Variants in HOXB5 observed in about 807,000 individuals in gnomAD.
HOXB5 encodes homeobox protein Hox-B5.
In HOXB5, 10 loss-of-function variants were observed where a neutral mutation model predicts 19.6. The ratio of observed to expected loss-of-function variants is 0.51; its 90% CI spans 0.32 to 0.87. The LOEUF is 0.87. Among genes scored for constraint, HOXB5 ranks in the 40% least tolerant of loss-of-function variants. The pLI is 0.04. For synonymous variants in HOXB5, 167 were observed against 156.9 expected (o/e 1.06, Z -0.48); for missense variants, 353 against 369.6 (o/e 0.96, Z 0.37).
rs7406798 is a variant in HOXB5, at chr17:48,593,158, T to C, written c.525A>G (p.Gln175=). The C allele has an allele frequency of 0.99, 1,562,876 of 1,579,810 alleles. 774,346 individuals carry two copies. Among genetic ancestry groups the C allele is most frequent in the East Asian group, 1 (44,158 of 44,158 alleles). The change falls in exon 1 of 2, where the codon CAA becomes CAG. Residue 175 remains glutamine (Q), a synonymous_variant. Coordinates refer to ENST00000239151, the MANE Select transcript of HOXB5 (RefSeq NM_002147.4). ...STAAPEGQTP[Q]IFPWMRKLHI... Reference sequence around the variant, plus strand: ...GAAGCTTCCTCATCCAGGGGAATATTTGCGGAGTCTGCCCCTCGGGCGCGG... The same window carrying C: ...GAAGCTTCCTCATCCAGGGGAATATCTGCGGAGTCTGCCCCTCGGGCGCGG...
chr17:48,593,053 T>TGCCCCCCCACC, intron 1 of HOXB5, 68 bp downstream of exon 1: 1 of 621,654 alleles, frequency 1.6e-6, no homozygotes, highest in Middle Eastern at 5.0e-4. Context: ...GCTCTCCTTG[T>TGCCCCCCCACC]CCCCCCGATC....
rs760772664 is a variant in HOXB5, at chr17:48,592,324, C to G, written c.695G>C (p.Cys232Ser). The change falls in exon 2 of 2, where the codon TGC (cysteine) becomes TCC (serine). Residue 232 changes from cysteine to serine, a missense_variant. Coordinates refer to ENST00000239151, the MANE Select transcript of HOXB5 (RefSeq NM_002147.4). ...RRRIEIAHAL[C>S]LSERQIKIWF... ...GATCTTGATCTGGCGCTCGGACAGG[C>G]AGAGTGCGTGGGCGATCTCGATGCG... is the stretch of plus-strand genomic sequence containing the variant. The G allele has an allele frequency of 1.1e-5, 17 of 1,614,006 alleles. No individual in the cohort carries two copies. Among genetic ancestry groups the G allele is most frequent in the Non-Finnish European group, 1.4e-5 (17 of 1,180,040 alleles).
rs1428848649 is a variant in HOXB5 at position 48,592,184 on chromosome 17, G to A, written c.*25C>T. 2.5e-6 allele frequency: 4 copies of A among 1,606,760 alleles called. No individual in the cohort carries two copies. The Admixed American group carries it at 6.7e-5, about 27-fold the overall frequency. On this transcript the variant is annotated 3_prime_UTR_variant, in exon 2 of 2. Coordinates refer to ENST00000239151, the MANE Select transcript of HOXB5 (RefSeq NM_002147.4). Reference sequence around the variant, plus strand: ...GGGCTGGGGGTGGCACGGGCTCTTGGGCCGCTGGGCTCCTCTGGGCGGGCT... The same window carrying A: ...GGGCTGGGGGTGGCACGGGCTCTTGAGCCGCTGGGCTCCTCTGGGCGGGCT...
rs1369458105 is a variant in HOXB5, at chr17:48,591,807, A to C, written c.*402T>G. 1 of 153,482 alleles carries C rather than the reference A, an allele frequency of 6.5e-6. No individual in the cohort carries two copies. Among genetic ancestry groups the C allele is most frequent in the Non-Finnish European group, 1.4e-5 (1 of 69,190 alleles). 9.5% of individuals were successfully genotyped at this position (153,482 alleles called of 1,614,324 possible). The stretch of plus-strand genomic sequence containing the variant: ...ACAGAAGTTTCCAGCTGAAACTCAA[A>C]ATACAGCGATCATCTTTTTATAAAT... On this transcript the variant is annotated 3_prime_UTR_variant, in exon 2 of 2. Transcript: ENST00000239151.
At position 48,593,562 on chromosome 17, in the gene HOXB5, G is replaced by A. The variant is rs773798002; in HGVS notation, c.121C>T (p.His41Tyr). ...TAATTGTAGCCGTAAGAGCCGGTGT[G>A]CATGGCAGCGGGATCCCTGTAAGAG... ...SGSYRDPAAM[H>Y]TGSYGYNYNG... Residue 41 changes from histidine to tyrosine, a missense_variant, in exon 1 of 2, where the codon CAC (histidine) becomes TAC (tyrosine). Physicochemically the swap from His to Tyr is moderately conservative, Grantham distance 83. Coordinates refer to ENST00000239151, the MANE Select transcript of HOXB5 (RefSeq NM_002147.4). 3.7e-6 allele frequency: 6 copies of A among 1,613,082 alleles called. No homozygotes were observed. Among genetic ancestry groups the A allele is most frequent in the African/African-American group, 1.3e-5 (1 of 74,948 alleles).
In HOXB5 at chr17:48,592,217, G is replaced by C. The variant is rs1365087003; in HGVS notation, c.802C>G (p.Gln268Glu). ...MSLATAGSAF[Q>E]P is the part of the protein sequence containing the mutation. The stretch of plus-strand genomic sequence containing the variant: ...GGCTCCTCTGGGCGGGCTCAGGGCT[G>C]GAAGGCGCTGCCAGCTGTAGCCAGG... The change falls in exon 2 of 2, where the codon CAG (glutamine) becomes GAG (glutamate). Residue 268 changes from glutamine to glutamate, a missense_variant. Transcript: ENST00000239151. 1 of 1,613,578 alleles carries C rather than the reference G, an allele frequency of 6.2e-7. No homozygotes were observed. Among genetic ancestry groups the C allele is most frequent in the Non-Finnish European group, 8.5e-7 (1 of 1,179,848 alleles).
At position 48,592,208 on chromosome 17, in the gene HOXB5, C is replaced by A. The variant is rs767851112; in HGVS notation, c.*1G>T. The A allele has an allele frequency of 3.1e-6, 5 of 1,612,918 alleles. No individual in the cohort carries two copies. In the African/African-American group the frequency reaches 6.7e-5, roughly 22 times the overall value. On this transcript the variant is annotated 3_prime_UTR_variant, in exon 2 of 2. Coordinates refer to ENST00000239151, the MANE Select transcript of HOXB5 (RefSeq NM_002147.4). ...GGGCCGCTGGGCTCCTCTGGGCGGG[C>A]TCAGGGCTGGAAGGCGCTGCCAGCT...
Position 48,593,701 on chromosome 17 carries a change from C to G in HOXB5, c.-19G>C, listed in dbSNP as rs543990452. ...AGCTCATTTGGGTGATTTTGGAGGG[C>G]TTGATTTGTGGATCGTGGTCGTTAT... On this transcript the variant is annotated 5_prime_UTR_variant, in exon 1 of 2. Transcript: ENST00000239151. 6.3e-7 allele frequency: 1 copy of G among 1,591,594 alleles called. No individual in the cohort carries two copies. The highest frequency in any genetic ancestry group is 8.6e-7 in the Non-Finnish European group (1 of 1,167,212).
In HOXB5 at chr17:48,593,272, G is replaced by T; in HGVS notation, c.411C>A (p.Ser137Arg). Residue 137 changes from serine to arginine, a missense_variant, in exon 1 of 2, where the codon AGC becomes AGA. Transcript: ENST00000239151. ...SANFTEIDEASASSEPEEAAS... is the reference protein window; with the variant it reads ...SANFTEIDEARASSEPEEAAS... ...CCGCTTCCTCAGGCTCCGAGGACGC[G>T]CTGGCCTCGTCTATTTCGGTGAAAT... 1 of 1,613,724 alleles carries T rather than the reference G, an allele frequency of 6.2e-7. No homozygotes were observed. Among genetic ancestry groups the T allele is most frequent in the Non-Finnish European group, 8.5e-7 (1 of 1,179,674 alleles).
chr17:48,593,370 C>T lies in HOXB5; in HGVS notation c.313G>A (p.Gly105Ser). The T allele has an allele frequency of 6.2e-7, 1 of 1,600,290 alleles. No individual in the cohort carries two copies. The highest frequency in any genetic ancestry group is 8.5e-7 in the Non-Finnish European group (1 of 1,170,752). Residue 105 changes from glycine to serine, a missense_variant, in exon 1 of 2, where the codon GGC (glycine) becomes AGC (serine). Coordinates refer to ENST00000239151, the MANE Select transcript of HOXB5 (RefSeq NM_002147.4). ...GAGGGCTTGGCGCCGTGGCTGTCGC[C>T]GTTGGTGCAGGGCAGGGACTCGGGC... ...SSPESLPCTN[G>S]DSHGAKPSAS...
At chr17:48,593,059 C>CCCACCCCCCCCAAA in intron 1 of HOXB5, 62 bp downstream of exon 1, 3 of 637,344 alleles carry the variant, frequency 4.7e-6, no homozygotes, top group Non-Finnish European at 5.5e-6. Context: ...CTTGTCCCCC[C>CCCACCCCCCCCAAA]GATCCCACCC....
rs1043514813 is a variant in HOXB5, at chr17:48,593,408, C to A, written c.275G>T (p.Cys92Phe). The change falls in exon 1 of 2, where the codon TGC (cysteine) becomes TTC (phenylalanine). Residue 92 changes from cysteine to phenylalanine, a missense_variant. Physicochemically the swap from Cys to Phe is radical, Grantham distance 205. Coordinates refer to ENST00000239151, the MANE Select transcript of HOXB5 (RefSeq NM_002147.4). ...EPRFRQAASS[C>F]SLSSPESLPC... ...CAGGGACTCGGGCGAGGACAGGGAG[C>A]AGCTCGAAGCCGCTTGCCTGAAGCG... is the stretch of plus-strand genomic sequence containing the variant. 13 of 1,605,816 alleles carry A rather than the reference C, an allele frequency of 8.1e-6. No homozygotes were observed. The highest frequency in any genetic ancestry group is 1.1e-5 in the Non-Finnish European group (13 of 1,175,082).
In HOXB5 at chr17:48,593,221, T is replaced by C. The variant is rs749364502; in HGVS notation, c.462A>G (p.Leu154=). Residue 154 remains leucine (L), a synonymous_variant, in exon 1 of 2, where the codon CTA becomes CTG. Coordinates refer to ENST00000239151, the MANE Select transcript of HOXB5 (RefSeq NM_002147.4). ...CCATGGGCTCTGGCTGCGCCCGAGC[T>C]AGGCTGGGGCTGCTTAGCTGGCTTG... is the stretch of plus-strand genomic sequence containing the variant. ...EAASQLSSPS[L]ARAQPEPMAT... is the part of the protein sequence containing the mutation. 4 of 1,613,100 alleles carry C rather than the reference T, an allele frequency of 2.5e-6. No homozygotes were observed. The highest frequency in any genetic ancestry group is 1.7e-4 in the Middle Eastern group (1 of 6,016).
In HOXB5 at chr17:48,593,591, C is replaced by G. The variant is rs765454284; in HGVS notation, c.92G>C (p.Ser31Thr). 6.2e-7 allele frequency: 1 copy of G among 1,613,070 alleles called. No individual in the cohort carries two copies. The highest frequency in any genetic ancestry group is 1.3e-5 in the African/African-American group (1 of 75,044). ...LLNYGSGSSL[S>T]GSYRDPAAMH... ...GGCAGCGGGATCCCTGTAAGAGCCG[C>G]TCAGAGAGCTGCCACTGCCATAATT... Residue 31 changes from serine (S) to threonine (T), a missense_variant, in exon 1 of 2, where the codon AGC becomes ACC. Transcript: ENST00000239151.
chr17:48,591,976 A>C lies in HOXB5; in HGVS notation c.*233T>G, dbSNP rs2070161873. On this transcript the variant is annotated 3_prime_UTR_variant, in exon 2 of 2. Coordinates refer to ENST00000239151, the MANE Select transcript of HOXB5 (RefSeq NM_002147.4). ...TTGGGACAAGCAGAAGGGAGTTGGG[A>C]GCATGGAAGGAAAATAATAATAATA... 7.1e-6 allele frequency: 2 copies of C among 282,332 alleles called. No homozygotes were observed. Among genetic ancestry groups the C allele is most frequent in the Non-Finnish European group, 6.4e-6 (1 of 155,642 alleles). The allele number at this position is 282,332 out of a possible 1,614,324, so 17.5% of individuals were successfully genotyped here. A position where few individuals can be genotyped will look rare whatever the true frequency, so the allele number is the denominator to read the frequency against.
chr17:48,592,926 A>T (rs1461361586), intron 1 of HOXB5, among the ~76,000 whole-genome samples, 195 bp downstream of exon 1: 2 of 152,212 alleles, frequency 1.3e-5, no homozygotes, highest in Non-Finnish European at 2.9e-5. Flanking sequence ...ACAAATTATT[A>T]AAAATACCCC....
At position 48,591,900 on chromosome 17, in the gene HOXB5, T is replaced by G. The variant is rs1597864447; in HGVS notation, c.*309A>C. The G allele has an allele frequency of 5.6e-6, 1 of 180,142 alleles. No homozygotes were observed. The allele number at this position is 180,142 out of a possible 1,614,324, so 11.2% of individuals were successfully genotyped here. A position where few individuals can be genotyped will look rare whatever the true frequency, so the allele number is the denominator to read the frequency against. ...TGCGAATTTCTTTTTTTTTTTTTCC[T>G]GGGGGAAAGACTGCAACCACAGACA... On this transcript the variant is annotated 3_prime_UTR_variant, in exon 2 of 2. Coordinates refer to ENST00000239151, the MANE Select transcript of HOXB5 (RefSeq NM_002147.4).
Position 48,593,399 on chromosome 17 carries a change from G to T in HOXB5, c.284C>A (p.Ser95Tyr), listed in dbSNP as rs1333980814. Residue 95 changes from serine to tyrosine, a missense_variant, in exon 1 of 2, where the codon TCC becomes TAC. Transcript: ENST00000239151. ...GGTGCAGGGCAGGGACTCGGGCGAG[G>T]ACAGGGAGCAGCTCGAAGCCGCTTG... is the stretch of plus-strand genomic sequence containing the variant. The part of the protein sequence containing the change: ...FRQAASSCSL[S>Y]SPESLPCTNG... The T allele has an allele frequency of 1.9e-6, 3 of 1,605,230 alleles. No homozygotes were observed. Among genetic ancestry groups the T allele is most frequent in the Admixed American group, 1.7e-5 (1 of 59,628 alleles).
In HOXB5 at chr17:48,593,170, C is replaced by A. The variant is rs753371278; in HGVS notation, c.513G>T (p.Gly171=). ...TCCAGGGGAATATTTGCGGAGTCTGCCCCTCGGGCGCGGCTGTGGAGGTGG... is the reference window on the plus strand; with the variant it reads ...TCCAGGGGAATATTTGCGGAGTCTGACCCTCGGGCGCGGCTGTGGAGGTGG... The part of the protein sequence containing the change: ...PMATSTAAPE[G]QTPQIFPWMR... The change falls in exon 1 of 2, where the codon GGG becomes GGT. Residue 171 remains glycine, a synonymous_variant. Coordinates refer to ENST00000239151, the MANE Select transcript of HOXB5 (RefSeq NM_002147.4). The A allele has an allele frequency of 1.9e-6, 3 of 1,590,770 alleles. No homozygotes were observed. Among genetic ancestry groups the A allele is most frequent in the Non-Finnish European group, 2.6e-6 (3 of 1,165,706 alleles).
Sources: gnomAD v4.1 joint callset for allele counts (sites outside exome capture counted in the v4.1 genomes callset) on GRCh38, gnomAD v4.1.1 for gene constraint, MANE v1.5 for transcripts, NCBI Gene and HGNC (gene_info 2026-07-23, HGNC 2026-07-21) for gene names.